Variants in RNF44 observed in about 807,000 individuals in gnomAD.
The protein encoded by RNF44 is ring finger protein 44.
A neutral mutation model predicts 53.6 loss-of-function variants in RNF44; 25 were observed. The observed-to-expected ratio is 0.47, with a 90% CI of 0.34 to 0.65. The LOEUF is 0.65. Among genes scored for constraint, RNF44 ranks in the 30% least tolerant of loss-of-function variants. The pLI is 0.01. For missense variants in RNF44, 581 were observed against 595.5 expected (o/e 0.98, Z 0.25); for synonymous variants, 282 against 252.2 (o/e 1.12, Z -1.12).
chr5:176,529,789 A>G lies in RNF44; in HGVS notation c.956T>C (p.Met319Thr). ...CAGGTCCAGGCTGATGGTGGGCCCC[A>G]TTGCTGTTGGTGACATTGGCAGCAT... ...LSMLPMSPTA[M>T]GPTISLDLDV... Residue 319 changes from methionine to threonine, a missense_variant, in exon 8 of 11, where the codon ATG becomes ACG. Around this residue, in one of 3 missense-constraint regions of RNF44, gnomAD observed 183 missense variants for 198.6 expected, o/e 0.92. Coordinates refer to ENST00000274811, the MANE Select transcript of RNF44 (RefSeq NM_014901.5). 6.2e-7 allele frequency: 1 copy of G among 1,610,086 alleles called. No homozygotes were observed. Among genetic ancestry groups the G allele is most frequent in the East Asian group, 2.2e-5 (1 of 44,828 alleles).
chr5:176,542,629 C>G (rs1288811011), upstream of RNF44: 1 of 152,262 alleles, frequency 6.6e-6, no homozygotes, highest in South Asian at 2.1e-4. Flanking sequence ...CTCCATCTTA[C>G]TCGTCCTCCT....
intron 1 of RNF44, among the ~76,000 whole-genome samples, chr5:176,533,508 G>GAGGACCAGCCCC (rs1361698303): frequency 6.6e-6 from 1 of 152,214 alleles, no homozygotes; most frequent in African/African-American, 2.4e-5. Flanking sequence ...TGCCGACGGA[G>GAGGACCAGCCCC]AGGACCAGCC....
rs753631687 is a variant in RNF44, at chr5:176,532,091, G to T, written c.210C>A (p.Arg70=). ...TCCCGCCGGCAGGAGCCGAGGCTCG[G>T]CGCTCCTCTACGGGGAGGTGTGGAG... ...SRPPHLPVEE[R]RASAPAGGSP... is the part of the protein sequence containing the mutation. Residue 70 remains arginine, a synonymous_variant, in exon 3 of 11, where the codon CGC becomes CGA. Coordinates refer to ENST00000274811, the MANE Select transcript of RNF44 (RefSeq NM_014901.5). 60 of 1,603,022 alleles carry T rather than the reference G, an allele frequency of 3.7e-5. No homozygotes were observed. The highest frequency in any genetic ancestry group is 4.9e-5 in the Non-Finnish European group (58 of 1,175,334).
At position 176,531,496 on chromosome 5, in the gene RNF44, C is replaced by T. The variant is rs1188836504; in HGVS notation, c.432G>A (p.Gly144=). The change falls in exon 4 of 11, where the codon GGG becomes GGA. Residue 144 remains glycine, a synonymous_variant. Coordinates refer to ENST00000274811, the MANE Select transcript of RNF44 (RefSeq NM_014901.5). This position sits in a 1 kb window ranked among gnomAD's most constrained non-coding sequence, Gnocchi z 4.2. The part of the protein sequence containing the change: ...QLPACSVMFS[G]QHYPLCCLPP... ...GGAGGCAGCAGAGGGGGTAATGCTG[C>T]CCACTGAACATCACGGAGCATGCTG... 2.5e-6 allele frequency: 4 copies of T among 1,588,700 alleles called. No homozygotes were observed. Among genetic ancestry groups the T allele is most frequent in the Non-Finnish European group, 3.4e-6 (4 of 1,168,084 alleles).
intron 1 of RNF44, among the ~76,000 whole-genome samples, chr5:176,533,534 G>A (rs1004299623): frequency 1.3e-5 from 2 of 152,182 alleles, no homozygotes; most frequent in African/African-American, 2.4e-5. Context: ...CTTCATGGGA[G>A]GTGATGAAGG....
At chr5:176,543,006 C>T (rs1757488922), upstream of RNF44, among the ~76,000 whole-genome samples, 1 of 152,054 alleles carries the variant, frequency 6.6e-6, no homozygotes, top group African/African-American at 2.4e-5. The surrounding 1 kb of genome is among the most constrained non-coding windows in gnomAD (Gnocchi z 4.0). Flanking sequence ...GCGCGGGGCG[C>T]AGGGCACGCG....
At position 176,531,625 on chromosome 5, in the gene RNF44, G is replaced by GT. The variant is rs773707151; in HGVS notation, c.302dup (p.His101GlnfsTer79). ...TGTAGGACAGAGGGACAGGTCCCTG[G>GT]TGCACCTGTGGGTGGAGAGAACGCC... On this transcript the variant is annotated frameshift_variant, in exon 4 of 11. Transcript: ENST00000274811. LOFTEE classifies it high-confidence loss of function. This position sits in a 1 kb window ranked among gnomAD's most constrained non-coding sequence, Gnocchi z 4.2. 1 of 1,609,534 alleles carries GT rather than the reference G, an allele frequency of 6.2e-7. No individual in the cohort carries two copies.
In RNF44 at chr5:176,527,606, A is replaced by C. The variant is rs1581090545; in HGVS notation, c.*1422T>G. 1 of 151,738 alleles carries C rather than the reference A, an allele frequency of 6.6e-6. No homozygotes were observed. Among genetic ancestry groups the C allele is most frequent in the African/African-American group, 2.4e-5 (1 of 41,158 alleles). The allele number at this position is 151,738 out of a possible 1,614,324, so 9.4% of individuals were successfully genotyped here. ...ACGGCAGGCTGGGGCGGGAGGTGGGAGCCAGGGCCACTGCGAGGAGAACGA... is the reference window on the plus strand; with the variant it reads ...ACGGCAGGCTGGGGCGGGAGGTGGGCGCCAGGGCCACTGCGAGGAGAACGA... On this transcript the variant is annotated 3_prime_UTR_variant, in exon 11 of 11. Coordinates refer to ENST00000274811, the MANE Select transcript of RNF44 (RefSeq NM_014901.5).
chr5:176,538,597 G>A (rs912055098), upstream of RNF44, among the ~76,000 whole-genome samples: 3 of 152,208 alleles, frequency 2.0e-5, no homozygotes, highest in Non-Finnish European at 4.4e-5. Context: ...TTACCACAAA[G>A]AGGCAGCTGG....
At chr5:176,534,392 G>A (rs1185561906) in intron 1 of RNF44, among the ~76,000 whole-genome samples, 1 of 152,254 alleles carries the variant, frequency 6.6e-6, no homozygotes, top group Non-Finnish European at 1.5e-5. Context: ...CGGGGAATGG[G>A]TTTGTGACCC....
upstream of RNF44, chr5:176,537,522 T>C (rs563047463): frequency 4.6e-5 from 7 of 152,178 alleles, no homozygotes; most frequent in African/African-American, 1.7e-4. Context: ...GCCCCCACCT[T>C]CGCACTTAAA....
At chr5:176,529,127 G>C in intron 10 of RNF44, 37 bp from the exon 11 acceptor site, 1 of 1,610,068 alleles carries the variant, frequency 6.2e-7, no homozygotes, top group Non-Finnish European at 8.5e-7. Flanking sequence ...GCTCTCACCA[G>C]CCCCAACCCA....
chr5:176,527,621 G>C lies in RNF44; in HGVS notation c.*1407C>G, dbSNP rs3734169. On this transcript the variant is annotated 3_prime_UTR_variant, in exon 11 of 11. Transcript: ENST00000274811. ...GGGAGGTGGGAGCCAGGGCCACTGCGAGGAGAACGAGGGTGGTTGGAGCAT... is the reference window on the plus strand; with the variant it reads ...GGGAGGTGGGAGCCAGGGCCACTGCCAGGAGAACGAGGGTGGTTGGAGCAT... 6.6e-6 allele frequency: 1 copy of C among 152,410 alleles called. No homozygotes were observed. Among genetic ancestry groups the C allele is most frequent in the Non-Finnish European group, 1.5e-5 (1 of 68,078 alleles). The allele number at this position is 152,410 out of a possible 1,614,324, so 9.4% of individuals were successfully genotyped here.
intron 6 of RNF44, among the ~76,000 whole-genome samples, 163 bp from the exon 7 acceptor site, chr5:176,530,369 G>GGGGGT (rs1484618226): frequency 1.2e-4 from 10 of 86,254 alleles, no homozygotes; most frequent in Non-Finnish European, 1.9e-4. Flanking sequence ...GAGCCCACGT[G>GGGGGT]CAAGTCAGCC....
rs1337040118 is a variant in RNF44, at chr5:176,530,710, G to C, written c.673C>G (p.Arg225Gly). ...LQRLDNDVDL[R>G]GDQPSLGSFT... The stretch of plus-strand genomic sequence containing the variant: ...CTGCCCAGGGAGGGCTGGTCCCCAC[G>C]CAGGTCCACGTCGTTGTCGAGCCGC... The change falls in exon 6 of 11, where the codon CGT becomes GGT. Residue 225 changes from arginine (R) to glycine (G), a missense_variant. By Grantham distance (125) the Arg-to-Gly change is moderately radical. Transcript: ENST00000274811. 3 of 1,549,830 alleles carry C rather than the reference G, an allele frequency of 1.9e-6. No individual in the cohort carries two copies. The highest frequency in any genetic ancestry group is 2.6e-6 in the Non-Finnish European group (3 of 1,150,924).
At chr5:176,534,762 A>C (rs561852109) in intron 1 of RNF44, among the ~76,000 whole-genome samples, 1 of 152,254 alleles carries the variant, frequency 6.6e-6, no homozygotes, top group Admixed American at 6.5e-5. Context: ...GAGTCCTCCC[A>C]GCAACACTGG....
In RNF44 at chr5:176,529,513, G is replaced by A; in HGVS notation, c.1136+10C>T. The A allele has an allele frequency of 1.2e-6, 2 of 1,613,880 alleles. No homozygotes were observed. The highest frequency in any genetic ancestry group is 2.2e-5 in the East Asian group (1 of 44,870). On this transcript the variant is annotated intron_variant, in intron 9 of 10. Transcript: ENST00000274811. Reference sequence around the variant, plus strand: ...GTTCAGAGGGGTGGGAGGTGGGGCAGGGTACTCACAGCGTCTGCTCCGACT... The same window carrying A: ...GTTCAGAGGGGTGGGAGGTGGGGCAAGGTACTCACAGCGTCTGCTCCGACT...
intron 1 of RNF44, among the ~76,000 whole-genome samples, chr5:176,533,723 G>A (rs898601452): frequency 2.6e-5 from 4 of 151,624 alleles, no homozygotes; most frequent in Non-Finnish European, 5.9e-5. Context: ...GGTCAGAGAT[G>A]AGGGTCCAGG....
At chr5:176,536,257 G>A (rs988229040) in intron 1 of RNF44, 1 of 152,310 alleles carries the variant, frequency 6.6e-6, no homozygotes, top group East Asian at 1.9e-4. Flanking sequence ...CTTGGTCAAG[G>A]AAATCCCTTT....
Sources: gnomAD v4.1 joint callset for allele counts (sites outside exome capture counted in the v4.1 genomes callset) on GRCh38, gnomAD v4.1.1 for gene constraint, gnomAD v4.1.1 regional missense constraint, Gnocchi (gnomAD v3.1) non-coding constraint, MANE v1.5 for transcripts, NCBI Gene and HGNC (gene_info 2026-07-23, HGNC 2026-07-21) for gene names.